ROBO2: variants seen among roughly 807,000 people sequenced by gnomAD.
ROBO2 encodes roundabout homolog 2.
ROBO2 carries 53 observed loss-of-function variants against 160.8 expected under a neutral mutation model. The observed-to-expected ratio is 0.33, with a 90% CI of 0.26 to 0.41. The LOEUF (loss-of-function observed/expected upper bound fraction) is 0.41, where lower values mean the gene tolerates loss of function less well. Among genes scored for constraint, ROBO2 ranks in the 10% least tolerant of loss-of-function variants. ROBO2 has a pLI of 1.00. For synonymous variants in ROBO2, 664 were observed against 611.7 expected, an observed-to-expected ratio of 1.09 and a Z score of -1.26; for missense variants, 1,577 against 1,722.4, an observed-to-expected ratio of 0.92 and a Z score of 1.49.
intron 2 of ROBO2, among the ~76,000 whole-genome samples, chr3:76,141,318 A>G (rs1419254538): frequency 4.0e-5 from 6 of 149,940 alleles, no homozygotes; most frequent in Non-Finnish European, 7.4e-5. Flanking sequence ...ACTGACAGCC[A>G]AAGTTAGGAA....
At chr3:76,907,985 G>A (rs147482799) in intron 2 of ROBO2, among the ~76,000 whole-genome samples, 1,603 of 152,028 alleles carry the variant, frequency 0.011, 13 homozygotes, top group African/African-American at 0.024. Flanking sequence ...GATTATAGGC[G>A]CCCACCACCG....
chr3:77,394,868 A>G (rs896349198), intron 2 of ROBO2, among the ~76,000 whole-genome samples: 1 of 152,132 alleles, frequency 6.6e-6, no homozygotes, highest in Non-Finnish European at 1.5e-5. Context: ...CAAGCTTCTA[A>G]CCGTACTACA....
intron 2 of ROBO2, among the ~76,000 whole-genome samples, chr3:76,361,229 G>T (rs934295293): frequency 1.8e-4 from 28 of 152,072 alleles, no homozygotes; most frequent in Non-Finnish European, 7.4e-5. Context: ...GGGTAGCTTG[G>T]TCTACTCAAG....
chr3:77,033,489 T>C (rs778231801), intron 2 of ROBO2, among the ~76,000 whole-genome samples: 3 of 152,162 alleles, frequency 2.0e-5, no homozygotes, highest in Non-Finnish European at 4.4e-5. Flanking sequence ...ATGAAATGTG[T>C]TTTTAATGTG....
At chr3:76,720,852 G>A (rs1416653255) in intron 2 of ROBO2, among the ~76,000 whole-genome samples, 1 of 152,174 alleles carries the variant, frequency 6.6e-6, no homozygotes, top group African/African-American at 2.4e-5. Flanking sequence ...AGAGCATTTT[G>A]TTTGTCAACT....
intron 2 of ROBO2, among the ~76,000 whole-genome samples, chr3:76,188,076 G>A (rs1701845018): frequency 6.6e-6 from 1 of 152,088 alleles, no homozygotes; most frequent in Admixed American, 6.6e-5. Flanking sequence ...TTAGTTGACA[G>A]TGAATGCTTC....
chr3:76,777,650 C>T (rs2062361609), intron 2 of ROBO2, among the ~76,000 whole-genome samples: 3 of 149,676 alleles, frequency 2.0e-5, no homozygotes, highest in Non-Finnish European at 4.5e-5. Context: ...CTTATTTCTT[C>T]CTAAAGTTTG....
At chr3:76,737,175 C>A (rs2093726826) in intron 2 of ROBO2, among the ~76,000 whole-genome samples, 1 of 152,100 alleles carries the variant, frequency 6.6e-6, no homozygotes, top group Admixed American at 6.5e-5. Context: ...AATATAATCA[C>A]TATTTCTAGA....
intron 2 of ROBO2, among the ~76,000 whole-genome samples, chr3:77,247,365 G>A (rs531904186): frequency 1.3e-5 from 2 of 152,080 alleles, no homozygotes; most frequent in African/African-American, 2.4e-5. Context: ...CGAGGGAGAG[G>A]ATACAGTCTT....
At chr3:76,977,005 G>A (rs1208179416) in intron 2 of ROBO2, among the ~76,000 whole-genome samples, 1 of 152,044 alleles carries the variant, frequency 6.6e-6, no homozygotes, top group African/African-American at 2.4e-5. Flanking sequence ...TCTAGACTTT[G>A]GTTTATATTT....
chr3:77,201,352 A>C, intron 2 of ROBO2, among the ~76,000 whole-genome samples: 1 of 152,190 alleles, frequency 6.6e-6, no homozygotes, highest in East Asian at 1.9e-4. Context: ...ATGTAAGTGG[A>C]AAATCTTTCC....
chr3:77,111,896 A>C (rs987588826), intron 2 of ROBO2, among the ~76,000 whole-genome samples: 1 of 152,124 alleles, frequency 6.6e-6, no homozygotes, highest in Non-Finnish European at 1.5e-5. Context: ...TAAATTCACC[A>C]TTACAACTGA....
rs202245493 is a variant in ROBO2 at position 77,595,163 on chromosome 3, G to C, written c.2705G>C (p.Gly902Ala). 3.0e-5 allele frequency: 48 copies of C among 1,611,842 alleles called. No individual in the cohort carries two copies. The highest frequency in any genetic ancestry group is 4.1e-5 in the Non-Finnish European group (48 of 1,178,412). Residue 902 changes from glycine to alanine, a missense_variant, in exon 18 of 26, where the codon GGA becomes GCA. By Grantham distance (60) the Gly-to-Ala change is moderately conservative. Coordinates refer to ENST00000461745, the Ensembl canonical transcript of ROBO2. ...ATAGTTACGTTTCAAAGAGGAGATG[G>C]AGGACTAATGAGCAATGGAAGGTAT...
At chr3:77,291,570 T>C (rs1297827771) in intron 2 of ROBO2, among the ~76,000 whole-genome samples, 1 of 147,306 alleles carries the variant, frequency 6.8e-6, no homozygotes, top group Non-Finnish European at 1.5e-5. Context: ...AAATTGATGG[T>C]TAAACGGGAA....
intron 2 of ROBO2, among the ~76,000 whole-genome samples, chr3:76,612,402 T>G (rs1284473286): frequency 6.6e-6 from 1 of 152,180 alleles, no homozygotes; most frequent in Non-Finnish European, 1.5e-5. Flanking sequence ...TCTCTTTAGC[T>G]GTATAATATT....
chr3:76,177,399 A>G (rs1346154067), intron 2 of ROBO2, among the ~76,000 whole-genome samples: 2 of 152,230 alleles, frequency 1.3e-5, no homozygotes, highest in African/African-American at 2.4e-5. Flanking sequence ...CTCACTTGAA[A>G]GAATTCAATT....
chr3:77,221,133 G>A (rs1370614507), intron 2 of ROBO2, among the ~76,000 whole-genome samples: 1 of 152,104 alleles, frequency 6.6e-6, no homozygotes, highest in Non-Finnish European at 1.5e-5. Flanking sequence ...CTGGTGTACA[G>A]CTTTGTCTTT....
intron 2 of ROBO2, among the ~76,000 whole-genome samples, chr3:76,540,809 T>C (rs2082774717): frequency 6.6e-6 from 1 of 152,192 alleles, no homozygotes; most frequent in Non-Finnish European, 1.5e-5. Context: ...TTTATTTATT[T>C]ATTTTTTTGA....
At chr3:76,464,455 C>A (rs958947168) in intron 2 of ROBO2, among the ~76,000 whole-genome samples, 1 of 152,066 alleles carries the variant, frequency 6.6e-6, no homozygotes, top group African/African-American at 2.4e-5. Flanking sequence ...TTCTCCTAAT[C>A]CTACCCCTAA....
Sources: gnomAD v4.1 joint callset for allele counts (sites outside exome capture counted in the v4.1 genomes callset) on GRCh38, gnomAD v4.1.1 for gene constraint, MANE v1.5 for transcripts, NCBI Gene and HGNC (gene_info 2026-07-23, HGNC 2026-07-21) for gene names.